Variants in ZEB1 observed in about 807,000 individuals in gnomAD.
ZEB1 encodes the protein zinc finger E-box binding homeobox 1, also known as zinc finger E-box-binding homeobox 1.
ZEB1 carries 21 observed loss-of-function variants against 84.9 expected under a neutral mutation model. That is an observed-to-expected ratio of 0.25 (90% CI 0.18 to 0.36). The LOEUF (loss-of-function observed/expected upper bound fraction) is 0.36. Among genes scored for constraint, ZEB1 ranks in the 10% least tolerant of loss-of-function variants. The probability of loss-of-function intolerance (pLI) is 1.00; values close to 1 mark genes in which losing one functional copy is unlikely to be tolerated. For missense variants in ZEB1, 1,104 were observed against 1,330.2 expected (o/e 0.83, Z 2.65); for synonymous variants, 420 against 471.1 (o/e 0.89, Z 1.41).
intron 1 of ZEB1, among the ~76,000 whole-genome samples, chr10:31,389,114 CCTATGAGAT>C (rs1405831473): frequency 6.6e-6 from 1 of 151,922 alleles, no homozygotes; most frequent in African/African-American, 2.4e-5. Context: ...AAAATGGGGA[CCTATGAGAT>C]CTATGAGATC....
chr10:31,421,884 A>G (rs2056217160), intron 1 of ZEB1, among the ~76,000 whole-genome samples: 1 of 152,074 alleles, frequency 6.6e-6, no homozygotes. Flanking sequence ...AGCTCAATAC[A>G]TGTTTTGAGT....
intron 1 of ZEB1, among the ~76,000 whole-genome samples, chr10:31,435,583 A>G (rs1016601189): frequency 3.9e-5 from 6 of 152,218 alleles, no homozygotes; most frequent in African/African-American, 1.4e-4. Flanking sequence ...TGGAAAAGAA[A>G]GACCCAGCTG....
At chr10:31,407,830 G>T (rs1373432914) in intron 1 of ZEB1, among the ~76,000 whole-genome samples, 1 of 150,172 alleles carries the variant, frequency 6.7e-6, no homozygotes, top group Non-Finnish European at 1.5e-5. Context: ...TTGAAAACTG[G>T]CACAAGACAG....
Position 31,321,098 on chromosome 10 carries a change from G to C in ZEB1, c.58+1806G>C, listed in dbSNP as rs531850134. The C allele has an allele frequency of 1.6e-5, 16 of 994,530 alleles. No individual in the cohort carries two copies. In the East Asian group the frequency reaches 1.5e-3, roughly 95 times the overall value. 61.6% of individuals were successfully genotyped at this position (994,530 alleles called of 1,614,324 possible). On this transcript the variant is annotated intron_variant, in intron 1 of 8. Transcript: ENST00000424869. ...TACGTGTTTAGGAGAAAACTCTCTC[G>C]TGCTCCCCCAGCCCCACCCCCCGCG...
intron 2 of ZEB1, among the ~76,000 whole-genome samples, chr10:31,488,793 T>A (rs2066092833): frequency 6.6e-6 from 1 of 151,202 alleles, no homozygotes; most frequent in Non-Finnish European, 1.5e-5. Flanking sequence ...GAGATTTTCT[T>A]ATCTTTTTCC....
intron 1 of ZEB1, among the ~76,000 whole-genome samples, chr10:31,392,821 A>G (rs755882334): frequency 3.3e-5 from 5 of 151,422 alleles, no homozygotes; most frequent in Non-Finnish European, 7.4e-5. Flanking sequence ...AGATGATATT[A>G]TATATCCATA....
intron 2 of ZEB1, among the ~76,000 whole-genome samples, chr10:31,487,582 G>A (rs533333290): frequency 9.9e-4 from 150 of 151,318 alleles, no homozygotes; most frequent in African/African-American, 3.5e-3. Context: ...AGACAGTCTT[G>A]TTTTCTGCAA....
At chr10:31,402,673 C>A (rs2052286798) in intron 1 of ZEB1, among the ~76,000 whole-genome samples, 2 of 151,748 alleles carry the variant, frequency 1.3e-5, no homozygotes, top group Non-Finnish European at 2.9e-5. Context: ...ATTACTGTTT[C>A]TTCATGATTG....
In ZEB1 at chr10:31,429,739, T is replaced by A. The variant is rs1482684618; in HGVS notation, c.59-31298T>A. Among the ~76,000 whole-genome samples the A allele has an allele frequency of 1.5e-3, 208 of 137,350 alleles. 1 individual carries two copies. The highest frequency in any genetic ancestry group is 5.3e-3 in the African/African-American group (190 of 35,658). 90.1% of individuals were successfully genotyped at this position (137,350 alleles called of 152,430 possible). A position where few individuals can be genotyped will look rare whatever the true frequency, so the allele number is the denominator to read the frequency against. ...TGAATACTTACAGGCAGAACTTTTT[T>A]TTTTTTTTTTTTTTTTTTTTTGAGA... On this transcript the variant is annotated intron_variant, in intron 1 of 8. Coordinates refer to ENST00000424869, the MANE Select transcript of ZEB1 (RefSeq NM_001174096.2).
intron 1 of ZEB1, among the ~76,000 whole-genome samples, chr10:31,446,959 T>C (rs1434562165): frequency 6.6e-6 from 1 of 152,102 alleles, no homozygotes; most frequent in African/African-American, 2.4e-5. Context: ...TTCAATTCCC[T>C]GGGTATCCTT....
At chr10:31,394,759 G>T (rs902929348) in intron 1 of ZEB1, among the ~76,000 whole-genome samples, 1 of 152,196 alleles carries the variant, frequency 6.6e-6, no homozygotes, top group Non-Finnish European at 1.5e-5. Flanking sequence ...CTACAGATTT[G>T]CATTTTTCTG....
intron 1 of ZEB1, among the ~76,000 whole-genome samples, chr10:31,335,856 A>T (rs757365017): frequency 6.6e-6 from 1 of 152,226 alleles, no homozygotes; most frequent in Non-Finnish European, 1.5e-5. Flanking sequence ...TGTAACCCAG[A>T]AAAATTCACA....
At chr10:31,410,162 T>TC (rs1430180664) in intron 1 of ZEB1, among the ~76,000 whole-genome samples, 1 of 152,236 alleles carries the variant, frequency 6.6e-6, no homozygotes, top group Non-Finnish European at 1.5e-5. Flanking sequence ...AAATGGCTGT[T>TC]ACTGTTTTGA....
chr10:31,417,215 C>G (rs1333362258), intron 1 of ZEB1, among the ~76,000 whole-genome samples: 1 of 152,120 alleles, frequency 6.6e-6, no homozygotes, highest in Non-Finnish European at 1.5e-5. Context: ...CTCACTTATT[C>G]TTGTTCTTTC....
At chr10:31,389,900 A>C (rs941012599) in intron 1 of ZEB1, among the ~76,000 whole-genome samples, 1 of 152,120 alleles carries the variant, frequency 6.6e-6, no homozygotes, top group Non-Finnish European at 1.5e-5. Flanking sequence ...TGGACTAGCC[A>C]CAGTTCAAGT....
chr10:31,333,512 A>G (rs2133332483), intron 1 of ZEB1, among the ~76,000 whole-genome samples: 1 of 152,236 alleles, frequency 6.6e-6, no homozygotes, highest in South Asian at 2.1e-4. Context: ...TAGGCTTGGT[A>G]AGTTTTAACG....
intron 1 of ZEB1, among the ~76,000 whole-genome samples, chr10:31,334,621 A>G (rs1309727316): frequency 2.0e-5 from 3 of 152,126 alleles, no homozygotes; most frequent in African/African-American, 4.8e-5. Context: ...CAAAAAGGAA[A>G]CAATGCAACT....
Position 31,445,647 on chromosome 10 carries a change from G to C in ZEB1, c.59-15390G>C, listed in dbSNP as rs568711402. Among the ~76,000 whole-genome samples the C allele has an allele frequency of 2.0e-5, 3 of 151,260 alleles. No individual in the cohort carries two copies. The South Asian group carries it at 6.3e-4, about 32-fold the overall frequency. On this transcript the variant is annotated intron_variant, in intron 1 of 8. Coordinates refer to ENST00000424869, the MANE Select transcript of ZEB1 (RefSeq NM_001174096.2). ...TGAAGTGTTGTTGAATTTTGTCAAA[G>C]GCTTTTTCTGCATCTATTGAGATAA... is the stretch of plus-strand genomic sequence containing the variant.
chr10:31,424,902 G>A (rs1038784022), intron 1 of ZEB1, among the ~76,000 whole-genome samples: 15 of 151,900 alleles, frequency 9.9e-5, no homozygotes, highest in African/African-American at 3.4e-4. Flanking sequence ...CTTGGTACAG[G>A]CTATAAACAA....
Sources: allele counts gnomAD v4.1 joint callset (sites outside exome capture counted in the v4.1 genomes callset), GRCh38; gene constraint gnomAD v4.1.1; transcripts MANE v1.5; gene names NCBI Gene and HGNC (gene_info 2026-07-23, HGNC 2026-07-21).